LAMC3: variants seen among roughly 807,000 people sequenced by gnomAD.
LAMC3 encodes laminin subunit gamma-3.
A neutral mutation model predicts 173.8 loss-of-function variants in LAMC3; 128 were observed. That is an observed-to-expected ratio of 0.74 (90% CI 0.64 to 0.85). The LOEUF (loss-of-function observed/expected upper bound fraction) is 0.85, where lower values mean the gene tolerates loss of function less well. Ranked by LOEUF, LAMC3 falls within the 40% of genes least tolerant of loss-of-function variation. LAMC3 has a pLI of 0.00. For synonymous variants in LAMC3, 897 were observed against 909.1 expected (o/e 0.99, Z 0.24); for missense variants, 2,022 against 2,156.0 (o/e 0.94, Z 1.23).
Position 131,029,762 on chromosome 9 carries a change from C to T in LAMC3, c.679-2283C>T, listed in dbSNP as rs1833793006. Among the ~76,000 whole-genome samples the T allele has an allele frequency of 2.0e-5, 3 of 152,034 alleles. No homozygotes were observed. The highest frequency in any genetic ancestry group is 2.1e-4 in the South Asian group (1 of 4,822). ...CGACCTGGCTGTTGCAGAGTAAGACCGCCAGAGTTGAGGGGCCGCCTGAGC... is the reference window on the plus strand; with the variant it reads ...CGACCTGGCTGTTGCAGAGTAAGACTGCCAGAGTTGAGGGGCCGCCTGAGC... On this transcript the variant is annotated intron_variant, in intron 2 of 27. Coordinates refer to ENST00000361069, the MANE Select transcript of LAMC3 (RefSeq NM_006059.4). The surrounding 1 kb of genome is among the most constrained non-coding windows in gnomAD (Gnocchi z 4.6).
At chr9:131,077,601 T>C in intron 22 of LAMC3, among the ~76,000 whole-genome samples, 1 of 132,920 alleles carries the variant, frequency 7.5e-6, no homozygotes, top group South Asian at 2.3e-4. Flanking sequence ...CACTTGAACC[T>C]GGGAGGCAGA....
intron 1 of LAMC3, among the ~76,000 whole-genome samples, chr9:131,022,044 A>G (rs1833635019): frequency 6.6e-6 from 1 of 151,812 alleles, no homozygotes; most frequent in Non-Finnish European, 1.5e-5. Context: ...GTAGGGTGGG[A>G]CCCTCTCTTG....
intron 18 of LAMC3, among the ~76,000 whole-genome samples, chr9:131,071,870 G>A (rs1405982432): frequency 1.3e-5 from 2 of 152,200 alleles, no homozygotes; most frequent in African/African-American, 2.4e-5. Flanking sequence ...CCTCCACAGG[G>A]GTGTCATGAG....
rs1312674510 is a variant in LAMC3 at position 131,045,663 on chromosome 9, AAG to A, written c.1519+7_1519+8del. ...CATCCTCAGCGATTTCCACCAGGGT[AAG>A]AGATGCTCCCTGCAAACGCCTCCCA... On this transcript the variant is annotated splice_donor_5th_base_variant and intron_variant, in intron 8 of 27. Transcript: ENST00000361069. 6.2e-7 allele frequency: 1 copy of A among 1,614,094 alleles called. No individual in the cohort carries two copies. The highest frequency in any genetic ancestry group is 1.7e-5 in the Admixed American group (1 of 60,028).
intron 13 of LAMC3, among the ~76,000 whole-genome samples, chr9:131,064,712 AG>A (rs1829894841): frequency 6.7e-6 from 1 of 150,256 alleles, no homozygotes; most frequent in African/African-American, 2.4e-5. Context: ...ATGTTGGAGC[AG>A]TGTAAAAATG....
At chr9:131,030,269 TC>T (rs1304584216) in intron 2 of LAMC3, among the ~76,000 whole-genome samples, 1 of 152,148 alleles carries the variant, frequency 6.6e-6, no homozygotes, top group Non-Finnish European at 1.5e-5. Context: ...ATCAAGACAG[TC>T]CCCCTGCAAT....
intron 3 of LAMC3, 115 bp from the exon 4 acceptor site, chr9:131,036,051 A>G: frequency 9.2e-7 from 1 of 1,088,650 alleles, no homozygotes; most frequent in Non-Finnish European, 1.4e-6. Context: ...AGTGAGGGCC[A>G]AGATTGAGGG....
intron 17 of LAMC3, among the ~76,000 whole-genome samples, chr9:131,070,063 G>A (rs1029396284): frequency 4.6e-5 from 7 of 152,220 alleles, no homozygotes; most frequent in Non-Finnish European, 7.3e-5. Flanking sequence ...AGGTGGATGG[G>A]GGAAATGTGA....
chr9:131,056,875 C>A, intron 11 of LAMC3, 54 bp from the exon 12 acceptor site: 1 of 1,395,532 alleles, frequency 7.2e-7, no homozygotes, highest in Non-Finnish European at 1.0e-6. Flanking sequence ...TGGGGGGAAG[C>A]ATGTGCAGGG....
At chr9:131,022,306 A>G (rs1833640347) in intron 1 of LAMC3, among the ~76,000 whole-genome samples, 1 of 151,744 alleles carries the variant, frequency 6.6e-6, no homozygotes, top group Admixed American at 6.6e-5. Context: ...CTGGTCTCAA[A>G]CCCCTAGGCT....
chr9:131,060,525 C>T (rs1300521496), intron 12 of LAMC3, among the ~76,000 whole-genome samples: 1 of 151,952 alleles, frequency 6.6e-6, no homozygotes, highest in African/African-American at 2.4e-5. Flanking sequence ...ACGCCTGTAA[C>T]CCCAGCTACT....
At chr9:131,085,431 T>G (rs780324775) in intron 24 of LAMC3, 93 bp from the exon 25 acceptor site, 4 of 1,273,702 alleles carry the variant, frequency 3.1e-6, no homozygotes, top group Non-Finnish European at 4.6e-6. Flanking sequence ...TCCAAGGGTC[T>G]GTGGTCAGCC....
chr9:131,032,568 T>TGCTCTCTCTC (rs1491316930), intron 3 of LAMC3, among the ~76,000 whole-genome samples: 7 of 118,786 alleles, frequency 5.9e-5, no homozygotes, highest in Admixed American at 4.0e-4. Context: ...CTCTCTCTCT[T>TGCTCTCTCTC]GCTCTCTCTC....
intron 2 of LAMC3, among the ~76,000 whole-genome samples, chr9:131,027,887 C>T (rs575961290): frequency 3.3e-5 from 5 of 152,378 alleles, no homozygotes; most frequent in East Asian, 1.9e-4. Context: ...CGTAGGTCCA[C>T]CCAGGTGTGC....
At chr9:131,038,743 A>G (rs1176480804) in intron 4 of LAMC3, 121 bp from the exon 5 acceptor site, 2 of 1,029,072 alleles carry the variant, frequency 1.9e-6, no homozygotes, top group Non-Finnish European at 3.0e-6. Flanking sequence ...ATTCTGGACC[A>G]TGCTCTTGCC....
At chr9:131,064,374 A>G (rs1237184613) in intron 13 of LAMC3, among the ~76,000 whole-genome samples, 2 of 152,226 alleles carry the variant, frequency 1.3e-5, no homozygotes, top group African/African-American at 4.8e-5. Flanking sequence ...ATAGAAATAA[A>G]TGTACATGGC....
Position 131,069,026 on chromosome 9 carries a change from G to A in LAMC3, c.2866G>A (p.Gly956Ser), listed in dbSNP as rs142124517. The change falls in exon 16 of 28, where the codon GGC becomes AGC. Residue 956 changes from glycine to serine, a missense_variant. By Grantham distance (56) the Gly-to-Ser change is moderately conservative. Coordinates refer to ENST00000361069, the MANE Select transcript of LAMC3 (RefSeq NM_006059.4). ...ACDRCQLGFF[G>S]FSIKGCRACR... ...TGACAGGTGCCAGCTGGGTTTCTTC[G>A]GCTTCTCCATCAAGGGCTGCCGGGG... is the stretch of plus-strand genomic sequence containing the variant. 30 of 1,613,896 alleles carry A rather than the reference G, an allele frequency of 1.9e-5. No homozygotes were observed. Among genetic ancestry groups the A allele is most frequent in the African/African-American group, 1.6e-4 (12 of 75,042 alleles).
Position 131,052,892 on chromosome 9 carries a change from C to A in LAMC3, c.1866C>A (p.Pro622=), listed in dbSNP as rs537785027. The change falls in exon 11 of 28, where the codon CCC becomes CCA. Residue 622 remains proline (P), a synonymous_variant. Coordinates refer to ENST00000361069, the MANE Select transcript of LAMC3 (RefSeq NM_006059.4). ...TSEDVAPPLP[P]FHFQRLLANL... ...AGGACGTGGCCCCTCCACTGCCCCC[C>A]TTCCACTTCCAGCGGCTCCTCGCCA... 1 of 1,614,022 alleles carries A rather than the reference C, an allele frequency of 6.2e-7. No individual in the cohort carries two copies. The highest frequency in any genetic ancestry group is 8.5e-7 in the Non-Finnish European group (1 of 1,180,002).
At chr9:131,091,147 G>A (rs565351765) in intron 27 of LAMC3, among the ~76,000 whole-genome samples, 2 of 152,248 alleles carry the variant, frequency 1.3e-5, no homozygotes, top group Non-Finnish European at 2.9e-5. Context: ...ATCTGTAAAC[G>A]TGTGCTGTCA....
Sources: gnomAD v4.1 joint callset for allele counts (sites outside exome capture counted in the v4.1 genomes callset) on GRCh38, gnomAD v4.1.1 for gene constraint, Gnocchi (gnomAD v3.1) non-coding constraint, MANE v1.5 for transcripts, NCBI Gene and HGNC (gene_info 2026-07-23, HGNC 2026-07-21) for gene names.